Variants in LRP12 observed in about 807,000 individuals in gnomAD.
LRP12 encodes low-density lipoprotein receptor-related protein 12.
Under a neutral mutation model 66.0 loss-of-function variants are expected in LRP12, and 14 were observed. That is an observed-to-expected ratio of 0.21 (90% CI 0.14 to 0.33). LRP12 has a LOEUF of 0.33. Ranked by LOEUF, LRP12 falls within the 10% of genes least tolerant of loss-of-function variation. The pLI is 1.00. For synonymous variants in LRP12, 357 were observed against 359.1 expected (o/e 0.99, Z 0.07); for missense variants, 889 against 1,053.4 (o/e 0.84, Z 2.16).
rs1016834548 is a variant in LRP12 at position 104,491,507 on chromosome 8, T to C, written c.1746A>G (p.Val582=). The change falls in exon 7 of 7, where the codon GTA becomes GTG. Residue 582 remains valine, a synonymous_variant. Transcript: ENST00000276654. The part of the protein sequence containing the change: ...ASVLENLRLA[V]RSQLGFTSVR... ...CTGAAGTAAATCCAAGCTGAGATCG[T>C]ACCGCTAGCCTCAGATTTTCCAAAA... The C allele has an allele frequency of 1.2e-6, 2 of 1,612,716 alleles. No individual in the cohort carries two copies. Among genetic ancestry groups the C allele is most frequent in the African/African-American group, 2.7e-5 (2 of 74,610 alleles).
At chr8:104,494,903 C>T (rs1051206362) in intron 6 of LRP12, among the ~76,000 whole-genome samples, 174 bp downstream of exon 6, 5 of 152,114 alleles carry the variant, frequency 3.3e-5, no homozygotes, top group African/African-American at 9.7e-5. Flanking sequence ...GAAAAATATA[C>T]TTTTGCAGTT....
intron 1 of LRP12, among the ~76,000 whole-genome samples, chr8:104,546,570 TCATA>T (rs1347623314): frequency 6.6e-6 from 1 of 152,138 alleles, no homozygotes; most frequent in African/African-American, 2.4e-5. Context: ...TCAGGTTTTC[TCATA>T]CAATTAACTT....
At chr8:104,561,924 C>G (rs1811914451) in intron 1 of LRP12, among the ~76,000 whole-genome samples, 1 of 152,110 alleles carries the variant, frequency 6.6e-6, no homozygotes, top group Non-Finnish European at 1.5e-5. Context: ...ACCCTTGGAT[C>G]CTTTCAGTGA....
chr8:104,517,346 T>G (rs949036489), intron 2 of LRP12, among the ~76,000 whole-genome samples: 4 of 151,830 alleles, frequency 2.6e-5, no homozygotes, highest in African/African-American at 7.3e-5. Flanking sequence ...TATGCTTGAC[T>G]ATGAACAAAA....
intron 1 of LRP12, among the ~76,000 whole-genome samples, chr8:104,535,959 C>T (rs911993024): frequency 2.6e-5 from 4 of 152,084 alleles, no homozygotes; most frequent in Non-Finnish European, 5.9e-5. Context: ...AGTTAAATGA[C>T]TGTCAGCTAC....
rs373424004 is a variant in LRP12, at chr8:104,509,092, C to A, written c.137-18G>T. 1 of 1,608,766 alleles carries A rather than the reference C, an allele frequency of 6.2e-7. No homozygotes were observed. Among genetic ancestry groups the A allele is most frequent in the Non-Finnish European group, 8.5e-7 (1 of 1,177,402 alleles). Reference sequence around the variant, plus strand: ...TCCACAAGCTGGAAGATAGCCAAAGCAATCTTTCCTTATTATTACACATTT... The same window carrying A: ...TCCACAAGCTGGAAGATAGCCAAAGAAATCTTTCCTTATTATTACACATTT... On this transcript the variant is annotated intron_variant, in intron 2 of 6. Coordinates refer to ENST00000276654, the MANE Select transcript of LRP12 (RefSeq NM_013437.5).
chr8:104,537,121 G>A (rs1811402605), intron 1 of LRP12, among the ~76,000 whole-genome samples: 1 of 150,264 alleles, frequency 6.7e-6, no homozygotes, highest in African/African-American at 2.4e-5. Flanking sequence ...TGTGATCCCT[G>A]AGAAAAGGGA....
intron 1 of LRP12, among the ~76,000 whole-genome samples, chr8:104,588,493 C>T (rs1812372363): frequency 6.6e-6 from 1 of 152,202 alleles, no homozygotes; most frequent in African/African-American, 2.4e-5. Context: ...TTGTGCCAGG[C>T]TACGGGTCCT....
chr8:104,496,882 AC>A (rs1434810000), intron 5 of LRP12, 89 bp downstream of exon 5: 29 of 1,292,662 alleles, frequency 2.2e-5, no homozygotes, highest in Non-Finnish European at 2.9e-5. Context: ...CTAATATAAA[AC>A]AAAAATACAT....
chr8:104,491,189 T>C lies in LRP12; in HGVS notation c.2064A>G (p.Thr688=), dbSNP rs1249082772. 3 of 1,614,118 alleles carry C rather than the reference T, an allele frequency of 1.9e-6. No homozygotes were observed. Among genetic ancestry groups the C allele is most frequent in the Non-Finnish European group, 2.5e-6 (3 of 1,180,032 alleles). Residue 688 remains threonine, a synonymous_variant, in exon 7 of 7, where the codon ACA becomes ACG. Transcript: ENST00000276654. The part of the protein sequence containing the change: ...KVPPTTAVEA[T]VGACASSSTQ... ...TTGAGGAACTTGCACATGCTCCTAC[T>C]GTCGCTTCTACTGCCGTTGTGGGAG...
chr8:104,582,725 T>C (rs1358191457), intron 1 of LRP12, among the ~76,000 whole-genome samples: 1 of 152,140 alleles, frequency 6.6e-6, no homozygotes, highest in East Asian at 1.9e-4. Context: ...GCTGTACAAC[T>C]ATTCATAATA....
In LRP12 at chr8:104,588,970, A is replaced by ACGCCGACGCCGCCGCCGCCGCCGCCGC. The variant is rs1554712979; in HGVS notation, c.-74_-73insGCGGCGGCGGCGGCGGCGGCGTCGGCG. 2 of 573,964 alleles carry ACGCCGACGCCGCCGCCGCCGCCGCCGC rather than the reference A, an allele frequency of 3.5e-6. No homozygotes were observed. The highest frequency in any genetic ancestry group is 9.0e-5 in the Admixed American group (2 of 22,126). 35.6% of individuals were successfully genotyped at this position (573,964 alleles called of 1,614,324 possible). The stretch of plus-strand genomic sequence containing the variant: ...GAGAAGCTGGAGGTAGACGACGCCG[A>ACGCCGACGCCGCCGCCGCCGCCGCCGC]CGCCGCCGCCGCCGCCGCCGCCGCC... On this transcript the variant is annotated 5_prime_UTR_variant, in exon 1 of 7. Transcript: ENST00000276654.
At chr8:104,588,519 G>A (rs1812373072) in intron 1 of LRP12, among the ~76,000 whole-genome samples, 1 of 152,158 alleles carries the variant, frequency 6.6e-6, no homozygotes, top group African/African-American at 2.4e-5. Flanking sequence ...AACTGGCCGC[G>A]GGGGCCCTCG....
At chr8:104,511,302 G>A (rs980105098) in intron 2 of LRP12, among the ~76,000 whole-genome samples, 4 of 151,482 alleles carry the variant, frequency 2.6e-5, no homozygotes, top group African/African-American at 7.3e-5. Flanking sequence ...TCAGCCTCCC[G>A]AAGTGCTGGG....
intron 1 of LRP12, among the ~76,000 whole-genome samples, chr8:104,546,402 T>C (rs1485178215): frequency 3.3e-5 from 5 of 152,116 alleles, no homozygotes; most frequent in African/African-American, 1.2e-4. Flanking sequence ...TTGTAATCAA[T>C]CCCGCTCCCA....
At chr8:104,511,975 T>A (rs528896923) in intron 2 of LRP12, among the ~76,000 whole-genome samples, 2 of 152,222 alleles carry the variant, frequency 1.3e-5, no homozygotes, top group East Asian at 3.9e-4. Flanking sequence ...ATAAATGACG[T>A]TTTAGAAAAA....
At chr8:104,548,316 AAT>A (rs1491085276) in intron 1 of LRP12, among the ~76,000 whole-genome samples, 17 of 22,886 alleles carry the variant, frequency 7.4e-4, no homozygotes, top group South Asian at 1.8e-3. Context: ...ATATTATATA[AAT>A]ATATAATATA....
At chr8:104,538,354 T>C (rs1246199357) in intron 1 of LRP12, among the ~76,000 whole-genome samples, 2 of 152,072 alleles carry the variant, frequency 1.3e-5, no homozygotes, top group Non-Finnish European at 2.9e-5. Flanking sequence ...TCAAACACAT[T>C]AGTCTTCTGC....
chr8:104,542,270 T>C (rs181666458), intron 1 of LRP12, among the ~76,000 whole-genome samples: 6 of 152,320 alleles, frequency 3.9e-5, no homozygotes, highest in Non-Finnish European at 8.8e-5. Context: ...TTCATGTGCT[T>C]AACAGCCACT....
Sources: allele counts gnomAD v4.1 joint callset (sites outside exome capture counted in the v4.1 genomes callset), GRCh38; gene constraint gnomAD v4.1.1; transcripts MANE v1.5; gene names NCBI Gene and HGNC (gene_info 2026-07-23, HGNC 2026-07-21).